SASS6: variants seen among roughly 807,000 people sequenced by gnomAD.
SASS6 encodes the protein SAS-6 centriolar assembly protein.
SASS6 carries 59 observed loss-of-function variants against 94.9 expected under a neutral mutation model. The ratio of observed to expected loss-of-function variants is 0.62; its 90% CI spans 0.50 to 0.77. SASS6 has a LOEUF of 0.77. Ranked by LOEUF, SASS6 falls within the 30% of genes least tolerant of loss-of-function variation. The pLI is 0.00. For synonymous variants in SASS6, 264 were observed against 270.0 expected (o/e 0.98, Z 0.22); for missense variants, 698 against 734.1 (o/e 0.95, Z 0.57).
intron 7 of SASS6, among the ~76,000 whole-genome samples, chr1:100,113,524 G>A (rs1044963688): frequency 6.6e-6 from 1 of 151,912 alleles, no homozygotes; most frequent in Admixed American, 6.6e-5. Context: ...AGGAGGCTGA[G>A]GCAGGAGAAT....
At position 100,121,513 on chromosome 1, in the gene SASS6, CA is replaced by C; in HGVS notation, c.347del (p.Leu116TrpfsTer8). ...LLQLVSPAAI[L>X]DNSPAFLNVV... is the part of the protein sequence containing the mutation. ...CATTTAAAAATGCAGGTGAGTTATC[CA>C]AAATAGCTGCTGGAGAAACTAACTG... is the stretch of plus-strand genomic sequence containing the variant. On this transcript the variant is annotated frameshift_variant, in exon 5 of 17. Coordinates refer to ENST00000287482, the MANE Select transcript of SASS6 (RefSeq NM_194292.3). LOFTEE classifies it high-confidence loss of function. 6.3e-7 allele frequency: 1 copy of C among 1,599,282 alleles called. No individual in the cohort carries two copies. Among genetic ancestry groups the C allele is most frequent in the Non-Finnish European group, 8.5e-7 (1 of 1,171,070 alleles).
chr1:100,087,109 T>C (rs780604921), intron 15 of SASS6, among the ~76,000 whole-genome samples: 2 of 152,128 alleles, frequency 1.3e-5, no homozygotes, highest in Non-Finnish European at 2.9e-5. Flanking sequence ...TTCAGCCTCC[T>C]GAGTAACTGA....
chr1:100,119,805 A>G (rs1384181424), intron 6 of SASS6, among the ~76,000 whole-genome samples: 1 of 152,210 alleles, frequency 6.6e-6, no homozygotes. Flanking sequence ...GGTCCCCACT[A>G]GAAGCCAAGC....
Position 100,088,145 on chromosome 1 carries a change from T to G in SASS6, c.1766A>C (p.Lys589Thr). The G allele has an allele frequency of 6.4e-7, 1 of 1,560,352 alleles. No individual in the cohort carries two copies. The highest frequency in any genetic ancestry group is 1.1e-5 in the South Asian group (1 of 89,640). Residue 589 changes from lysine to threonine, a missense_variant, in exon 15 of 17, where the codon AAG becomes ACG. Physicochemically the swap from Lys to Thr is moderately conservative, Grantham distance 78. Transcript: ENST00000287482. ...ATISMPCSTDKENGENVGLES... is the reference protein window; with the variant it reads ...ATISMPCSTDTENGENVGLES... ...TATGTCATTAAGCACTTACTTTTCC[T>G]TATCAGTTGAGCAAGGCATACTAAT...
chr1:100,131,384 TAA>T (rs1245517809), intron 1 of SASS6, among the ~76,000 whole-genome samples: 1 of 152,128 alleles, frequency 6.6e-6, no homozygotes, highest in Admixed American at 6.6e-5. Context: ...AGTCACATTT[TAA>T]AAAGACTTTT....
intron 2 of SASS6, among the ~76,000 whole-genome samples, chr1:100,125,110 C>G (rs894835029): frequency 1.3e-5 from 2 of 151,976 alleles, no homozygotes; most frequent in Non-Finnish European, 1.5e-5. Flanking sequence ...GACTGATACT[C>G]TAAATGCCTC....
At chr1:100,120,234 T>C (rs980442793) in intron 6 of SASS6, among the ~76,000 whole-genome samples, 160 bp downstream of exon 6, 1 of 152,156 alleles carries the variant, frequency 6.6e-6, no homozygotes, top group Admixed American at 6.6e-5. Flanking sequence ...AGTATCAAAT[T>C]AAGATAATTA....
intron 7 of SASS6, among the ~76,000 whole-genome samples, chr1:100,117,509 G>A (rs1455280182): frequency 6.6e-6 from 1 of 151,766 alleles, no homozygotes; most frequent in Non-Finnish European, 1.5e-5. Context: ...AATTAGCCAG[G>A]CATGGTGGTG....
chr1:100,102,805 CTAGA>C (rs1219347218), intron 14 of SASS6, 146 bp downstream of exon 14: 3 of 565,058 alleles, frequency 5.3e-6, no homozygotes, highest in African/African-American at 1.9e-5. Context: ...CACATAGATA[CTAGA>C]TATTCAGTAA....
intron 8 of SASS6, among the ~76,000 whole-genome samples, chr1:100,109,425 T>G (rs1037252459): frequency 6.6e-6 from 1 of 151,990 alleles, no homozygotes; most frequent in African/African-American, 2.4e-5. Flanking sequence ...CAAAGAAGCC[T>G]GTAATCAATG....
chr1:100,094,593 G>A (rs1038645453), intron 14 of SASS6, among the ~76,000 whole-genome samples: 6 of 151,990 alleles, frequency 3.9e-5, no homozygotes, highest in Non-Finnish European at 8.8e-5. Flanking sequence ...GGGCTCACAC[G>A]CCTGTAATCC....
Position 100,115,478 on chromosome 1 carries a change from T to G in SASS6, c.669+3540A>C, listed in dbSNP as rs148043171. ...CTCTCCACTGAACGAGAAAATGAGA[T>G]CAGTTCTTAACAACAGTCCAAAGAC... On this transcript the variant is annotated intron_variant, in intron 7 of 16. Coordinates refer to ENST00000287482, the MANE Select transcript of SASS6 (RefSeq NM_194292.3). 2.4e-3 allele frequency among the ~76,000 whole-genome samples: 362 copies of G among 152,156 alleles called. 3 individuals carry two copies. Among genetic ancestry groups the G allele is most frequent in the African/African-American group, 8.1e-3 (336 of 41,518 alleles).
Position 100,084,279 on chromosome 1 carries a change from A to T in SASS6, c.*1049T>A, listed in dbSNP as rs1381949800. 6.6e-6 allele frequency: 1 copy of T among 152,072 alleles called. No individual in the cohort carries two copies. Among genetic ancestry groups the T allele is most frequent in the Non-Finnish European group, 1.5e-5 (1 of 67,936 alleles). The allele number at this position is 152,072 out of a possible 1,614,324, so 9.4% of individuals were successfully genotyped here. A position where few individuals can be genotyped will look rare whatever the true frequency, so the allele number is the denominator to read the frequency against. On this transcript the variant is annotated 3_prime_UTR_variant, in exon 17 of 17. Transcript: ENST00000287482. The stretch of plus-strand genomic sequence containing the variant: ...AATTTTAAATTATCACATGAGCATT[A>T]GTACTTTATAAAAATTGATCTAGAA...
At chr1:100,132,627 C>T (rs1570718606) in intron 1 of SASS6, 123 bp downstream of exon 1, 1 of 846,024 alleles carries the variant, frequency 1.2e-6, no homozygotes, top group South Asian at 1.3e-5. Context: ...TCCCTATCCG[C>T]TTCCTAGGGG....
chr1:100,123,230 T>C lies in SASS6; in HGVS notation c.186A>G (p.Ile62Met). 2.7e-6 allele frequency: 4 copies of C among 1,489,382 alleles called. No homozygotes were observed. Among genetic ancestry groups the C allele is most frequent in the Non-Finnish European group, 3.7e-6 (4 of 1,079,318 alleles). 92.3% of individuals were successfully genotyped at this position (1,489,382 alleles called of 1,614,324 possible). ...GTTACCTTTGAAAATCTTCCTCAGA[T>C]ATAACAAGGTTATATAAAAAAAATG... ...TDPFFLYNLV[I>M]SEEDFQSLKF... The change falls in exon 3 of 17, where the codon ATA (isoleucine) becomes ATG (methionine). Residue 62 changes from isoleucine to methionine, a missense_variant. Coordinates refer to ENST00000287482, the MANE Select transcript of SASS6 (RefSeq NM_194292.3).
intron 1 of SASS6, 106 bp from the exon 2 acceptor site, chr1:100,126,048 T>C: frequency 1.6e-6 from 1 of 617,770 alleles, no homozygotes; most frequent in South Asian, 2.3e-5. Flanking sequence ...TTTCCACAGG[T>C]GTTCTCTAAC....
chr1:100,094,041 A>G (rs961688573), intron 14 of SASS6, among the ~76,000 whole-genome samples: 1 of 152,220 alleles, frequency 6.6e-6, no homozygotes, highest in African/African-American at 2.4e-5. Flanking sequence ...GGTTCCTTGA[A>G]AAGATCCATG....
chr1:100,103,124 A>C (rs1169354325), intron 13 of SASS6, 41 bp from the exon 14 acceptor site: 3 of 1,328,288 alleles, frequency 2.3e-6, no homozygotes, highest in Non-Finnish European at 3.2e-6. Context: ...ATGATAAATT[A>C]ATTCTAAATA....
chr1:100,119,248 T>C, intron 6 of SASS6, 111 bp from the exon 7 acceptor site: 1 of 529,420 alleles, frequency 1.9e-6, no homozygotes, highest in Non-Finnish European at 3.0e-6. Context: ...AATTATAGCT[T>C]TTCAGGACAT....
Sources: gnomAD v4.1 joint callset for allele counts (sites outside exome capture counted in the v4.1 genomes callset) on GRCh38, gnomAD v4.1.1 for gene constraint, MANE v1.5 for transcripts, NCBI Gene and HGNC (gene_info 2026-07-23, HGNC 2026-07-21) for gene names.